The following FBXW10B variants were observed in gnomAD, a reference collection of about 807,000 sequenced individuals.
FBXW10B encodes the protein F-box and WD repeat domain containing protein 10B.
At chr17:15,566,055 C>G in the FBXW10B span, 1 of 1,607,928 alleles carries the variant, frequency 6.2e-7, no homozygotes, top group South Asian at 1.1e-5. Context: ...TGGTTCGTTT[C>G]ACATCTATAG....
the FBXW10B span, among the ~76,000 whole-genome samples, chr17:15,568,419 A>G: frequency 1.3e-5 from 2 of 152,016 alleles, no homozygotes; most frequent in African/African-American, 4.8e-5. Context: ...AGAAGTATCT[A>G]CCTCAAACTG....
chr17:15,583,442 C>T, the FBXW10B span, among the ~76,000 whole-genome samples: 4 of 148,416 alleles, frequency 2.7e-5, no homozygotes, highest in Non-Finnish European at 5.9e-5. Flanking sequence ...CTTGCCTTGG[C>T]CACGAACTGA....
the FBXW10B span, chr17:15,619,127 G>A: frequency 2.5e-6 from 4 of 1,613,950 alleles, no homozygotes; most frequent in Middle Eastern, 1.7e-4. Context: ...GGTCCACTGG[G>A]TGCTGTTCGC....
At chr17:15,565,710 C>T in the FBXW10B span, 11 of 1,614,008 alleles carry the variant, frequency 6.8e-6, no homozygotes, top group Non-Finnish European at 9.3e-6. Flanking sequence ...CCTGGTGCTC[C>T]TTCTCCTCCT....
chr17:15,618,885 T>C, the FBXW10B span: 50 of 1,519,368 alleles, frequency 3.3e-5, no homozygotes, highest in East Asian at 1.1e-3. Flanking sequence ...AAAAAACCTA[T>C]GCTGCATTCT....
chr17:15,582,033 C>T, the FBXW10B span, among the ~76,000 whole-genome samples: 2 of 151,986 alleles, frequency 1.3e-5, no homozygotes, highest in African/African-American at 2.4e-5. Flanking sequence ...ACATATTTCA[C>T]AAAAAATTTA....
the FBXW10B span, among the ~76,000 whole-genome samples, chr17:15,570,142 A>T: frequency 1.3e-5 from 2 of 152,176 alleles, no homozygotes; most frequent in African/African-American, 4.8e-5. Context: ...AGGTGGATGG[A>T]TGATAAGAGA....
At chr17:15,583,422 G>A in the FBXW10B span, among the ~76,000 whole-genome samples, 1 of 147,564 alleles carries the variant, frequency 6.8e-6, no homozygotes, top group Non-Finnish European at 1.5e-5. Context: ...TCCCTGCTGT[G>A]CCACACATGC....
the FBXW10B span, chr17:15,605,507 A>G: frequency 5.4e-6 from 7 of 1,286,300 alleles, no homozygotes; most frequent in Non-Finnish European, 7.3e-6. Flanking sequence ...ACTTTTGCCT[A>G]CAGCAGTGGT....
At chr17:15,575,338 C>T in the FBXW10B span, among the ~76,000 whole-genome samples, 1 of 138,788 alleles carries the variant, frequency 7.2e-6, no homozygotes, top group African/African-American at 3.4e-5. Flanking sequence ...AGGGCTCTCC[C>T]AGCACCTCTG....
the FBXW10B span, among the ~76,000 whole-genome samples, chr17:15,590,050 C>T: frequency 5.4e-4 from 82 of 151,474 alleles, no homozygotes; most frequent in African/African-American, 1.1e-3. Flanking sequence ...GTCAGCAAAG[C>T]GGTGGTGAGC....
At chr17:15,615,356 C>A in the FBXW10B span, among the ~76,000 whole-genome samples, 1 of 117,864 alleles carries the variant, frequency 8.5e-6, no homozygotes, top group Non-Finnish European at 1.6e-5. Flanking sequence ...CAGTCTCGCT[C>A]TGTTGCCCAG....
the FBXW10B span, among the ~76,000 whole-genome samples, chr17:15,580,571 C>T: frequency 1.0e-5 from 1 of 96,242 alleles, no homozygotes; most frequent in African/African-American, 3.0e-5. Context: ...ATAAGTCTGA[C>T]AAAATAAATC....
At chr17:15,581,500 A>G in the FBXW10B span, among the ~76,000 whole-genome samples, 1 of 152,102 alleles carries the variant, frequency 6.6e-6, no homozygotes, top group Non-Finnish European at 1.5e-5. Flanking sequence ...CAGGTAAGTC[A>G]GAAGTCTAAG....
the FBXW10B span, chr17:15,607,447 T>A: frequency 1.4e-6 from 1 of 718,554 alleles, no homozygotes; most frequent in South Asian, 1.9e-5. Context: ...CATGTGCGAG[T>A]TTAGGGCTGG....
chr17:15,575,868 A>G, the FBXW10B span, among the ~76,000 whole-genome samples: 1 of 152,208 alleles, frequency 6.6e-6, no homozygotes, highest in African/African-American at 2.4e-5. Flanking sequence ...TTTACGTGGC[A>G]CTTGGCCAGA....
At chr17:15,593,058 G>T in the FBXW10B span, among the ~76,000 whole-genome samples, 1 of 135,280 alleles carries the variant, frequency 7.4e-6, no homozygotes, top group Non-Finnish European at 1.5e-5. Flanking sequence ...AGCCGAGATC[G>T]CATCACTGCA....
At chr17:15,605,437 G>A in the FBXW10B span, 1 of 1,480,746 alleles carries the variant, frequency 6.8e-7, no homozygotes, top group East Asian at 2.4e-5. Context: ...AGTGCCAGGG[G>A]AAAAGGATTA....
chr17:15,607,894 T>C, the FBXW10B span, among the ~76,000 whole-genome samples: 3 of 138,372 alleles, frequency 2.2e-5, no homozygotes, highest in African/African-American at 8.6e-5. Context: ...TTCTTAATTC[T>C]TCTTTCATCT....
Sources: allele counts gnomAD v4.1 joint callset (sites outside exome capture counted in the v4.1 genomes callset), GRCh38; gene constraint gnomAD v4.1.1; transcripts MANE v1.5; gene names NCBI Gene and HGNC (gene_info 2026-07-23, HGNC 2026-07-21).